ZNRF3: variants seen among roughly 807,000 people sequenced by gnomAD.
ZNRF3 encodes E3 ubiquitin-protein ligase ZNRF3.
A neutral mutation model predicts 72.5 loss-of-function variants in ZNRF3; 23 were observed. The observed-to-expected ratio is 0.32, with a 90% CI of 0.23 to 0.45. ZNRF3 has a LOEUF of 0.45. Ranked by LOEUF, ZNRF3 falls within the 20% of genes least tolerant of loss-of-function variation. The pLI, the probability that ZNRF3 is intolerant of heterozygous loss-of-function variation, is 1.00. For missense variants in ZNRF3, 1,169 were observed against 1,272.1 expected (o/e 0.92, Z 1.23); for synonymous variants, 610 against 545.3 (o/e 1.12, Z -1.65).
At chr22:28,964,365 T>C (rs532408658) in intron 1 of ZNRF3, among the ~76,000 whole-genome samples, 59 of 152,308 alleles carry the variant, frequency 3.9e-4, no homozygotes, top group African/African-American at 1.3e-3. Context: ...CTCACCAGCC[T>C]TGATATAGAC....
At chr22:28,921,219 C>A (rs1217205753) in intron 1 of ZNRF3, among the ~76,000 whole-genome samples, 1 of 152,144 alleles carries the variant, frequency 6.6e-6, no homozygotes, top group Non-Finnish European at 1.5e-5. Context: ...GGGAAGCCCC[C>A]CCCACCCCTA....
At chr22:29,038,961 T>TAG (rs2036910655) in intron 2 of ZNRF3, among the ~76,000 whole-genome samples, 2 of 151,686 alleles carry the variant, frequency 1.3e-5, no homozygotes, top group African/African-American at 4.9e-5. Flanking sequence ...CATATATATA[T>TAG]ATATAGAGAG....
At chr22:28,990,106 G>C (rs1727382370) in intron 2 of ZNRF3, among the ~76,000 whole-genome samples, 1 of 152,228 alleles carries the variant, frequency 6.6e-6, no homozygotes, top group South Asian at 2.1e-4. Context: ...CCACAGGGGA[G>C]CAGCAGGCCA....
intron 1 of ZNRF3, among the ~76,000 whole-genome samples, chr22:28,894,729 A>G (rs2033959242): frequency 6.6e-6 from 1 of 152,226 alleles, no homozygotes; most frequent in South Asian, 2.1e-4. Flanking sequence ...GGTGGTGGGC[A>G]GAGATGCAAG....
intron 1 of ZNRF3, among the ~76,000 whole-genome samples, chr22:28,936,541 C>A (rs1169750416): frequency 6.6e-6 from 1 of 152,134 alleles, no homozygotes; most frequent in African/African-American, 2.4e-5. Flanking sequence ...CTCCTGGGAG[C>A]ACCTGGGATT....
intron 1 of ZNRF3, among the ~76,000 whole-genome samples, chr22:28,946,503 A>G (rs137974536): frequency 6.6e-6 from 1 of 152,328 alleles, no homozygotes; most frequent in Non-Finnish European, 1.5e-5. Flanking sequence ...ACTTACTAGT[A>G]TTTGGGAATT....
At chr22:28,958,829 C>A (rs1197320547) in intron 1 of ZNRF3, among the ~76,000 whole-genome samples, 1 of 152,196 alleles carries the variant, frequency 6.6e-6, no homozygotes, top group East Asian at 1.9e-4. Flanking sequence ...AAACAAGTGA[C>A]TCTCTGTTCA....
chr22:28,939,742 TG>T (rs2034908187), intron 1 of ZNRF3, among the ~76,000 whole-genome samples: 1 of 152,160 alleles, frequency 6.6e-6, no homozygotes. Context: ...AAATATTAGT[TG>T]TAGAACCAGA....
intron 2 of ZNRF3, among the ~76,000 whole-genome samples, chr22:29,028,388 C>T (rs1408303154): frequency 1.3e-5 from 2 of 151,938 alleles, no homozygotes; most frequent in African/African-American, 2.4e-5. Flanking sequence ...ATGAGCTGCA[C>T]GACATTTGTA....
chr22:28,981,136 T>C (rs988258793), intron 1 of ZNRF3, among the ~76,000 whole-genome samples: 2 of 152,246 alleles, frequency 1.3e-5, no homozygotes, highest in South Asian at 2.1e-4. Flanking sequence ...AGGTCTTATA[T>C]GTAGTCAGTG....
intron 1 of ZNRF3, among the ~76,000 whole-genome samples, chr22:28,908,965 C>T (rs527904843): frequency 8.5e-5 from 13 of 152,226 alleles, no homozygotes; most frequent in East Asian, 5.8e-4. Flanking sequence ...GGCACGATCT[C>T]GACTCACTGC....
intron 2 of ZNRF3, chr22:29,026,920 C>T (rs6005964): frequency 0.52 from 79,163 of 152,084 alleles, 20,802 homozygotes; most frequent in African/African-American, 0.56. Context: ...ATTTTCTCTT[C>T]AACAAGCGCT....
Position 29,044,855 on chromosome 22 carries a change from C to A in ZNRF3, c.709C>A (p.Leu237Ile). The stretch of plus-strand genomic sequence containing the variant: ...GGTCTCCTTGGTCTGCCTCATCCTC[C>A]TTGTCAAAATCAAGCTGAAGCAGCG... ...VVVSLVCLIL[L>I]VKIKLKQRRS... The change falls in exon 5 of 9, where the codon CTT becomes ATT. Residue 237 changes from leucine to isoleucine, a missense_variant. By Grantham distance (5) the Leu-to-Ile change is conservative. This residue lies in a region of ZNRF3 where 386 missense variants were observed against 540.7 expected (regional missense o/e 0.71). Transcript: ENST00000544604. 1 of 1,614,058 alleles carries A rather than the reference C, an allele frequency of 6.2e-7. No individual in the cohort carries two copies. The highest frequency in any genetic ancestry group is 8.5e-7 in the Non-Finnish European group (1 of 1,180,012).
At chr22:29,007,628 C>G (rs1258539003) in intron 2 of ZNRF3, among the ~76,000 whole-genome samples, 1 of 152,006 alleles carries the variant, frequency 6.6e-6, no homozygotes, top group Non-Finnish European at 1.5e-5. Context: ...GACCTCATCT[C>G]TAGAAAACAA....
intron 2 of ZNRF3, among the ~76,000 whole-genome samples, chr22:29,024,135 A>C (rs1056742087): frequency 1.3e-5 from 2 of 152,022 alleles, no homozygotes; most frequent in African/African-American, 4.8e-5. Flanking sequence ...TTTTCCTGGG[A>C]TTAAGCTGTT....
intron 1 of ZNRF3, among the ~76,000 whole-genome samples, chr22:28,956,010 G>A (rs1008037208): frequency 6.6e-5 from 10 of 152,138 alleles, no homozygotes; most frequent in East Asian, 1.9e-4. Flanking sequence ...GTGGGGGTGC[G>A]GAGGATTATC....
At chr22:28,971,158 C>T (rs1601615434) in intron 1 of ZNRF3, among the ~76,000 whole-genome samples, 2 of 152,096 alleles carry the variant, frequency 1.3e-5, no homozygotes, top group East Asian at 3.9e-4. Flanking sequence ...CACTGTACCC[C>T]AGCCTGGACA....
chr22:28,892,849 C>A (rs2033914770), intron 1 of ZNRF3, among the ~76,000 whole-genome samples: 1 of 152,090 alleles, frequency 6.6e-6, no homozygotes. Flanking sequence ...GACTTCTGGC[C>A]TCCTGGTGCA....
intron 2 of ZNRF3, among the ~76,000 whole-genome samples, chr22:29,003,307 G>A (rs886272455): frequency 5.9e-5 from 9 of 151,926 alleles, no homozygotes; most frequent in Admixed American, 2.0e-4. Flanking sequence ...ACGAGGGCAG[G>A]AGATAGAGAC....
Sources: allele counts gnomAD v4.1 joint callset (sites outside exome capture counted in the v4.1 genomes callset), GRCh38; gene constraint gnomAD v4.1.1; regional missense constraint gnomAD v4.1.1; transcripts MANE v1.5; gene names NCBI Gene and HGNC (gene_info 2026-07-23, HGNC 2026-07-21).